THSD4: variants seen among roughly 807,000 people sequenced by gnomAD.
The protein encoded by THSD4 is thrombospondin type 1 domain containing 4.
In THSD4, 69 loss-of-function variants were observed where a neutral mutation model predicts 119.0. That is an observed-to-expected ratio of 0.58 (90% CI 0.48 to 0.71). THSD4 has a LOEUF of 0.71. THSD4 is among the 30% of genes least tolerant of loss of function. The pLI, the probability that THSD4 is intolerant of heterozygous loss-of-function variation, is 0.00. For synonymous variants in THSD4, 524 were observed against 540.4 expected, an observed-to-expected ratio of 0.97 and a Z score of 0.42; for missense variants, 1,393 against 1,391.1, an observed-to-expected ratio of 1.00 and a Z score of -0.02.
intron 7 of THSD4, among the ~76,000 whole-genome samples, chr15:71,426,365 CTGTGTGTGTGTGTGTG>C (rs199965138): frequency 2.0e-5 from 2 of 102,492 alleles, no homozygotes; most frequent in East Asian, 2.3e-4. Flanking sequence ...GTAAGTATAG[CTGTGTGTGTGTGTGTG>C]TGTGTGTGTG....
At chr15:71,497,914 A>G (rs903400635) in intron 7 of THSD4, among the ~76,000 whole-genome samples, 1 of 152,226 alleles carries the variant, frequency 6.6e-6, no homozygotes, top group Non-Finnish European at 1.5e-5. Context: ...TCTTCATATC[A>G]TTTACAGATA....
At chr15:71,603,368 C>T (rs1423233634) in intron 7 of THSD4, among the ~76,000 whole-genome samples, 2 of 152,226 alleles carry the variant, frequency 1.3e-5, no homozygotes, top group African/African-American at 4.8e-5. Context: ...AAGCCAGGCT[C>T]CTTTCCCTGC....
chr15:71,638,808 G>A (rs933908726), intron 7 of THSD4, among the ~76,000 whole-genome samples: 1 of 152,160 alleles, frequency 6.6e-6, no homozygotes, highest in African/African-American at 2.4e-5. Flanking sequence ...TTATGCTTGA[G>A]TGACAACTAC....
At chr15:71,141,687 C>A in intron 2 of THSD4, 131 bp downstream of exon 2, 2 of 1,085,748 alleles carry the variant, frequency 1.8e-6, no homozygotes, top group Non-Finnish European at 2.6e-6. Flanking sequence ...ATAATACGTC[C>A]ACTTGTGTAA....
intron 4 of THSD4, among the ~76,000 whole-genome samples, chr15:71,216,889 CG>C (rs1168357544): frequency 6.6e-6 from 1 of 152,152 alleles, no homozygotes; most frequent in African/African-American, 2.4e-5. Context: ...CCTCCAACTC[CG>C]GGTTCAAGCT....
rs554084350 is a variant in THSD4 at position 71,417,972 on chromosome 15, G to GTATTT, written c.1152+6160_1152+6164dup. Among the ~76,000 whole-genome samples the GTATTT allele has an allele frequency of 9.8e-3, 1,038 of 106,284 alleles. 309 individuals carry two copies. The highest frequency in any genetic ancestry group is 0.031 in the African/African-American group (976 of 31,216). 69.7% of individuals were successfully genotyped at this position (106,284 alleles called of 152,430 possible). On this transcript the variant is annotated intron_variant, in intron 7 of 17. Coordinates refer to ENST00000261862, the MANE Select transcript of THSD4 (RefSeq NM_024817.3). ...TTTTACTTCTTTGGTTAATTCCTAG[G>GTATTT]TATTTTATTTTATTTGTAGCTATAG... is the stretch of plus-strand genomic sequence containing the variant.
intron 10 of THSD4, chr15:71,731,954 C>T (rs1288251876): frequency 2.0e-5 from 3 of 152,368 alleles, no homozygotes; most frequent in Non-Finnish European, 2.9e-5. Flanking sequence ...AGCCACCTGC[C>T]TTCCTTGGTT....
At chr15:71,173,248 ATAAAG>A (rs758787230) in intron 3 of THSD4, among the ~76,000 whole-genome samples, 14 of 152,284 alleles carry the variant, frequency 9.2e-5, no homozygotes, top group South Asian at 4.1e-4. Context: ...TGAAAAGCAA[ATAAAG>A]TAAACAATTC....
intron 16 of THSD4, among the ~76,000 whole-genome samples, chr15:71,765,770 AACAC>A (rs1459373890): frequency 7.1e-6 from 1 of 141,420 alleles, no homozygotes. Context: ...ACATTACACA[AACAC>A]ACACGCACAC....
intron 7 of THSD4, among the ~76,000 whole-genome samples, chr15:71,497,711 C>T (rs1440763139): frequency 2.0e-5 from 3 of 152,066 alleles, no homozygotes; most frequent in African/African-American, 4.8e-5. Context: ...CTAGCGTCAC[C>T]GTGTTGTATA....
intron 7 of THSD4, among the ~76,000 whole-genome samples, chr15:71,615,953 CA>C (rs1255065013): frequency 1.3e-5 from 2 of 152,200 alleles, no homozygotes; most frequent in Non-Finnish European, 2.9e-5. Flanking sequence ...TGACTCTCCT[CA>C]CTGAATAGAG....
chr15:71,673,647 G>A (rs2051578690), intron 8 of THSD4, among the ~76,000 whole-genome samples: 1 of 152,114 alleles, frequency 6.6e-6, no homozygotes, highest in South Asian at 2.1e-4. Flanking sequence ...ATTTCCTTCT[G>A]CACACTGCTT....
chr15:71,478,872 A>G (rs1414897074), intron 7 of THSD4, among the ~76,000 whole-genome samples: 1 of 152,180 alleles, frequency 6.6e-6, no homozygotes, highest in African/African-American at 2.4e-5. Flanking sequence ...GGGCCATTAG[A>G]AAAGGGACTG....
intron 6 of THSD4, among the ~76,000 whole-genome samples, chr15:71,327,936 A>AT (rs1274036692): frequency 3.3e-5 from 5 of 152,192 alleles, no homozygotes; most frequent in African/African-American, 1.2e-4. Flanking sequence ...AAGAATGGTG[A>AT]TTTTTCAATT....
At chr15:71,598,507 G>A (rs79095059) in intron 7 of THSD4, among the ~76,000 whole-genome samples, 9 of 152,246 alleles carry the variant, frequency 5.9e-5, no homozygotes, top group East Asian at 3.9e-4. Flanking sequence ...AGGGTCCACC[G>A]TTTTGCAGAC....
chr15:71,604,832 A>C (rs11634964), intron 7 of THSD4, among the ~76,000 whole-genome samples: 11,654 of 149,488 alleles, frequency 0.078, 500 homozygotes, highest in South Asian at 0.12. Flanking sequence ...CAAAAACAAA[A>C]AAAAAACCTG....
At chr15:71,688,486 G>C (rs2051965921) in intron 8 of THSD4, among the ~76,000 whole-genome samples, 1 of 152,126 alleles carries the variant, frequency 6.6e-6, no homozygotes, top group Non-Finnish European at 1.5e-5. Flanking sequence ...GTGTAAAACT[G>C]TTGTTACTCC....
chr15:71,586,121 G>C (rs1405573123), intron 7 of THSD4, among the ~76,000 whole-genome samples: 2 of 152,124 alleles, frequency 1.3e-5, no homozygotes, highest in Non-Finnish European at 2.9e-5. Context: ...TTTTGGCGGT[G>C]TCATTTTTGC....
At chr15:71,657,350 C>A (rs1258225798) in intron 7 of THSD4, among the ~76,000 whole-genome samples, 1 of 152,222 alleles carries the variant, frequency 6.6e-6, no homozygotes, top group Non-Finnish European at 1.5e-5. Flanking sequence ...CATTCCCCAG[C>A]CATGCCCTCC....
Sources: gnomAD v4.1 joint callset for allele counts (sites outside exome capture counted in the v4.1 genomes callset) on GRCh38, gnomAD v4.1.1 for gene constraint, MANE v1.5 for transcripts, NCBI Gene and HGNC (gene_info 2026-07-23, HGNC 2026-07-21) for gene names.